TMC1: variants seen among roughly 807,000 people sequenced by gnomAD.
TMC1 encodes the protein transmembrane channel-like protein 1.
Under a neutral mutation model 105.8 loss-of-function variants are expected in TMC1, and 84 were observed. The observed-to-expected ratio is 0.79, with a 90% CI of 0.67 to 0.95. TMC1 has a LOEUF of 0.95. TMC1 is among the 40% of genes least tolerant of loss of function. The pLI is 0.00. For missense variants in TMC1, 817 were observed against 914.1 expected (o/e 0.89, Z 1.37); for synonymous variants, 315 against 311.5 (o/e 1.01, Z -0.12).
In TMC1 at chr9:72,601,038, A is replaced by G. The variant is rs1824802034; in HGVS notation, c.-305-15330A>G. ...AATACAGGTTGAATATCCCTTATCC[A>G]AAATGCTTGGGGCAAGCTGGGTGCA... On this transcript the variant is annotated intron_variant, in intron 2 of 23. Coordinates refer to ENST00000297784, the MANE Select transcript of TMC1 (RefSeq NM_138691.3). Among the ~76,000 whole-genome samples, 3 of 152,188 alleles carry G rather than the reference A, an allele frequency of 2.0e-5. No homozygotes were observed. The South Asian group carries it at 6.2e-4, about 32-fold the overall frequency.
At chr9:72,619,123 T>C (rs963845541) in intron 3 of TMC1, among the ~76,000 whole-genome samples, 1 of 152,136 alleles carries the variant, frequency 6.6e-6, no homozygotes, top group Non-Finnish European at 1.5e-5. Flanking sequence ...AGATACACTA[T>C]GAAAGACTAT....
chr9:72,597,763 G>A (rs1023162269), intron 2 of TMC1, among the ~76,000 whole-genome samples: 1 of 152,146 alleles, frequency 6.6e-6, no homozygotes. Flanking sequence ...CAACCCAGAT[G>A]TCAGCACAGA....
At chr9:72,802,998 G>T (rs1828502110) in intron 17 of TMC1, among the ~76,000 whole-genome samples, 1 of 152,178 alleles carries the variant, frequency 6.6e-6, no homozygotes, top group Non-Finnish European at 1.5e-5. Context: ...CAAGGCTATA[G>T]TAATCAAAAC....
At chr9:72,581,069 A>G (rs1443205743) in intron 2 of TMC1, among the ~76,000 whole-genome samples, 2 of 152,210 alleles carry the variant, frequency 1.3e-5, no homozygotes, top group East Asian at 1.9e-4. Context: ...CCTAACTTCA[A>G]AAGAATTTTT....
chr9:72,560,169 G>T (rs1180398505), intron 1 of TMC1, among the ~76,000 whole-genome samples: 1 of 152,178 alleles, frequency 6.6e-6, no homozygotes, highest in Non-Finnish European at 1.5e-5. Flanking sequence ...CCCCAACAGG[G>T]AAGTGTTAAA....
chr9:72,748,487 G>C (rs563015612), intron 10 of TMC1, among the ~76,000 whole-genome samples: 1 of 152,074 alleles, frequency 6.6e-6, no homozygotes, highest in Non-Finnish European at 1.5e-5. Flanking sequence ...TGCTGATAAA[G>C]TTCTTGGAAC....
chr9:72,608,957 T>G (rs1824975068), intron 2 of TMC1, among the ~76,000 whole-genome samples: 1 of 152,040 alleles, frequency 6.6e-6, no homozygotes, highest in Non-Finnish European at 1.5e-5. Flanking sequence ...CAGTCTTTTC[T>G]CCAAATAAAA....
At chr9:72,698,680 C>T (rs1172164998) in intron 7 of TMC1, among the ~76,000 whole-genome samples, 1 of 152,070 alleles carries the variant, frequency 6.6e-6, no homozygotes. Flanking sequence ...CAGCTACCAT[C>T]CCAAGGGCTG....
chr9:72,550,730 T>TG (rs1236869384), intron 1 of TMC1, among the ~76,000 whole-genome samples: 1 of 147,182 alleles, frequency 6.8e-6, no homozygotes, highest in African/African-American at 2.5e-5. Flanking sequence ...AAAAGGCTGG[T>TG]GGGTGTGGTA....
chr9:72,587,581 A>G lies in TMC1; in HGVS notation c.-306+9558A>G, dbSNP rs142201966. Among the ~76,000 whole-genome samples, 255 of 152,276 alleles carry G rather than the reference A, an allele frequency of 1.7e-3. 1 individual carries two copies. The highest frequency in any genetic ancestry group is 0.01 in the Middle Eastern group (3 of 294). On this transcript the variant is annotated intron_variant, in intron 2 of 23. Transcript: ENST00000297784. The stretch of plus-strand genomic sequence containing the variant: ...TTTTCCTAGTCCCTTCAAGAAGTCT[A>G]TTGATGGAAGATGCATTTTTATGTG...
Position 72,653,463 on chromosome 9 carries a change from C to T in TMC1, c.16+4799C>T, listed in dbSNP as rs1038469069. ...ACAAAAAACCTATGAAACTTACATACCATAGGTTACTATTCAACAATAAAA... is the reference window on the plus strand; with the variant it reads ...ACAAAAAACCTATGAAACTTACATATCATAGGTTACTATTCAACAATAAAA... On this transcript the variant is annotated intron_variant, in intron 5 of 23. Coordinates refer to ENST00000297784, the MANE Select transcript of TMC1 (RefSeq NM_138691.3). Among the ~76,000 whole-genome samples the T allele has an allele frequency of 4.6e-5, 7 of 152,252 alleles. No individual in the cohort carries two copies. The South Asian group carries it at 1.5e-3, about 32-fold the overall frequency.
chr9:72,818,461 A>T (rs766433265), intron 19 of TMC1, among the ~76,000 whole-genome samples: 8 of 152,194 alleles, frequency 5.3e-5, no homozygotes, highest in Non-Finnish European at 1.2e-4. Flanking sequence ...TCATAGCAGG[A>T]TATTGAGAAA....
chr9:72,740,178 G>T lies in TMC1; in HGVS notation c.422G>T (p.Arg141Leu), dbSNP rs1345080270. 7 of 1,613,458 alleles carry T rather than the reference G, an allele frequency of 4.3e-6. No individual in the cohort carries two copies. In the South Asian group the frequency reaches 4.4e-5, roughly 10 times the overall value. The change falls in exon 9 of 24, where the codon CGG becomes CTG. Residue 141 changes from arginine (R) to leucine (L), a missense_variant. Physicochemically the swap from Arg to Leu is moderately radical, Grantham distance 102. Transcript: ENST00000297784. ...EGALGKGKGK[R>L]WFAFKMMMAK... ...GCTCTTGGGAAAGGAAAAGGAAAAC[G>T]GTGGTTTGCATTTAAGATGATGATG...
chr9:72,566,872 G>A (rs903617197), intron 1 of TMC1, among the ~76,000 whole-genome samples: 2 of 152,168 alleles, frequency 1.3e-5, no homozygotes, highest in African/African-American at 4.8e-5. Flanking sequence ...CCAGCACCAG[G>A]TGCCCAGTTG....
chr9:72,610,725 C>T (rs1307125695), intron 2 of TMC1, among the ~76,000 whole-genome samples: 1 of 152,166 alleles, frequency 6.6e-6, no homozygotes, highest in Non-Finnish European at 1.5e-5. Flanking sequence ...CCCTGTTACC[C>T]AGTCAAGTGG....
At chr9:72,561,990 A>G (rs932928244) in intron 1 of TMC1, among the ~76,000 whole-genome samples, 3 of 149,796 alleles carry the variant, frequency 2.0e-5, no homozygotes, top group Admixed American at 6.7e-5. Flanking sequence ...CCTGGGCAAC[A>G]GAACAAGATC....
chr9:72,530,765 T>G (rs1412084335), intron 1 of TMC1, among the ~76,000 whole-genome samples: 1 of 151,912 alleles, frequency 6.6e-6, no homozygotes, highest in Non-Finnish European at 1.5e-5. Flanking sequence ...ATTATTAAGT[T>G]TAGGTATCAA....
intron 2 of TMC1, among the ~76,000 whole-genome samples, chr9:72,608,284 T>C (rs889896867): frequency 2.6e-5 from 4 of 152,192 alleles, no homozygotes; most frequent in East Asian, 3.8e-4. Flanking sequence ...AATTATCATG[T>C]CCAGGATATG....
chr9:72,614,295 A>G (rs1042429139), intron 2 of TMC1, among the ~76,000 whole-genome samples: 1 of 152,154 alleles, frequency 6.6e-6, no homozygotes, highest in African/African-American at 2.4e-5. Context: ...AGAGATGCTT[A>G]ACTTTTGGAA....
Sources: gnomAD v4.1 joint callset for allele counts (sites outside exome capture counted in the v4.1 genomes callset) on GRCh38, gnomAD v4.1.1 for gene constraint, MANE v1.5 for transcripts, NCBI Gene and HGNC (gene_info 2026-07-23, HGNC 2026-07-21) for gene names.